Variants in NKAIN2 observed in about 807,000 individuals in gnomAD.
NKAIN2 encodes the protein sodium/potassium transporting ATPase interacting 2, also known as sodium/potassium-transporting ATPase subunit beta-1-interacting protein 2.
NKAIN2 carries 14 observed loss-of-function variants against 32.6 expected under a neutral mutation model. The ratio of observed to expected loss-of-function variants is 0.43; its 90% CI spans 0.28 to 0.67. The LOEUF (loss-of-function observed/expected upper bound fraction) is 0.67, where lower values mean the gene tolerates loss of function less well. NKAIN2 is among the 30% of genes least tolerant of loss of function. The probability of loss-of-function intolerance (pLI) is 0.17; values close to 1 mark genes in which losing one functional copy is unlikely to be tolerated. For synonymous variants in NKAIN2, 80 were observed against 87.2 expected, an observed-to-expected ratio of 0.92 and a Z score of 0.46; for missense variants, 198 against 258.3, an observed-to-expected ratio of 0.77 and a Z score of 1.60.
chr6:124,809,051 T>C (rs1780746042), intron 5 of NKAIN2, among the ~76,000 whole-genome samples: 1 of 152,158 alleles, frequency 6.6e-6, no homozygotes, highest in East Asian at 1.9e-4. Flanking sequence ...AAAATGGCCA[T>C]ACTGCCCAAG....
chr6:124,001,806 T>TAC (rs1779887443), intron 1 of NKAIN2, among the ~76,000 whole-genome samples: 1 of 61,770 alleles, frequency 1.6e-5, no homozygotes, highest in Non-Finnish European at 3.5e-5. Flanking sequence ...TCTAAATATA[T>TAC]ATATATATAT....
intron 1 of NKAIN2, among the ~76,000 whole-genome samples, chr6:123,846,844 G>GCAAA (rs1554213836): frequency 6.6e-6 from 1 of 150,624 alleles, no homozygotes; most frequent in Non-Finnish European, 1.5e-5. Context: ...ACGCACGCGC[G>GCAAA]CACACACACA....
intron 5 of NKAIN2, 96 bp downstream of exon 5, chr6:124,791,495 A>G (rs973492321): frequency 4.1e-6 from 3 of 734,932 alleles, no homozygotes; most frequent in Admixed American, 2.0e-5. Flanking sequence ...AAGATCCTAC[A>G]ACACAGCATT....
intron 4 of NKAIN2, among the ~76,000 whole-genome samples, chr6:124,706,682 C>T (rs1775087058): frequency 1.3e-5 from 2 of 152,100 alleles, no homozygotes; most frequent in Non-Finnish European, 2.9e-5. Flanking sequence ...CAAAGAGCAG[C>T]AAGTCACTTA....
chr6:124,355,641 T>C (rs1440134711), intron 3 of NKAIN2, among the ~76,000 whole-genome samples: 4 of 152,142 alleles, frequency 2.6e-5, no homozygotes, highest in African/African-American at 9.7e-5. Context: ...GTGAATTTTT[T>C]TCAGAGAAAA....
At chr6:124,634,548 C>T (rs961606426) in intron 3 of NKAIN2, among the ~76,000 whole-genome samples, 1 of 151,788 alleles carries the variant, frequency 6.6e-6, no homozygotes, top group African/African-American at 2.4e-5. Flanking sequence ...AAGCCAGTCA[C>T]ACACACAAAA....
intron 1 of NKAIN2, among the ~76,000 whole-genome samples, chr6:123,880,191 A>G (rs1773383512): frequency 6.6e-6 from 1 of 152,202 alleles, no homozygotes; most frequent in Non-Finnish European, 1.5e-5. Flanking sequence ...CTATTAAAGG[A>G]TAAAGCAGGA....
At chr6:124,072,180 A>C (rs1439740131) in intron 1 of NKAIN2, among the ~76,000 whole-genome samples, 1 of 152,176 alleles carries the variant, frequency 6.6e-6, no homozygotes. Context: ...TTGCAGCCAC[A>C]TGGATGTAGC....
At chr6:124,409,435 G>A (rs541962771) in intron 3 of NKAIN2, among the ~76,000 whole-genome samples, 1 of 152,170 alleles carries the variant, frequency 6.6e-6, no homozygotes, top group African/African-American at 2.4e-5. Context: ...GGCCTTTTCT[G>A]CATCTATTGA....
At chr6:124,620,558 A>G (rs2114255034) in intron 3 of NKAIN2, among the ~76,000 whole-genome samples, 1 of 152,290 alleles carries the variant, frequency 6.6e-6, no homozygotes, top group East Asian at 1.9e-4. Context: ...TTGTTATATG[A>G]TTGTAGAGTA....
chr6:124,208,019 T>C (rs1044418965), intron 1 of NKAIN2, among the ~76,000 whole-genome samples: 1 of 151,934 alleles, frequency 6.6e-6, no homozygotes, highest in Non-Finnish European at 1.5e-5. Flanking sequence ...ACTTTAATTA[T>C]TGTTAAAATA....
chr6:124,805,405 A>G (rs2114842815), intron 5 of NKAIN2, among the ~76,000 whole-genome samples: 1 of 152,242 alleles, frequency 6.6e-6, no homozygotes. Flanking sequence ...CCTCTAGCAA[A>G]CTCCAACAGA....
At chr6:124,735,077 GA>G (rs1209819325) in intron 4 of NKAIN2, among the ~76,000 whole-genome samples, 3 of 151,706 alleles carry the variant, frequency 2.0e-5, no homozygotes, top group Admixed American at 6.6e-5. Context: ...AAAAATATGA[GA>G]AAAAAATTTA....
intron 1 of NKAIN2, among the ~76,000 whole-genome samples, chr6:123,911,931 T>G (rs930938622): frequency 6.6e-6 from 1 of 150,676 alleles, no homozygotes; most frequent in Non-Finnish European, 1.5e-5. Context: ...ACAGGTATTT[T>G]TCACTGAATT....
At chr6:124,555,124 A>G (rs566928819) in intron 3 of NKAIN2, among the ~76,000 whole-genome samples, 1 of 152,234 alleles carries the variant, frequency 6.6e-6, no homozygotes, top group East Asian at 1.9e-4. Context: ...CAGAATCTCA[A>G]CTTCTTTCTA....
At chr6:123,816,136 A>G (rs1384260527) in intron 1 of NKAIN2, among the ~76,000 whole-genome samples, 2 of 152,124 alleles carry the variant, frequency 1.3e-5, no homozygotes, top group African/African-American at 2.4e-5. Context: ...TAGAAAGGTG[A>G]GAATGAAAGA....
At chr6:124,015,446 T>C (rs1246482557) in intron 1 of NKAIN2, among the ~76,000 whole-genome samples, 1 of 152,202 alleles carries the variant, frequency 6.6e-6, no homozygotes, top group Non-Finnish European at 1.5e-5. Flanking sequence ...CTTCATTCTC[T>C]TAAGTCTTTA....
chr6:124,413,184 C>G (rs191745755), intron 3 of NKAIN2, among the ~76,000 whole-genome samples: 108 of 152,288 alleles, frequency 7.1e-4, no homozygotes, highest in African/African-American at 2.4e-3. Flanking sequence ...CCATGTCCTG[C>G]AGCCACTGTC....
At chr6:124,547,498 T>A in intron 3 of NKAIN2, among the ~76,000 whole-genome samples, 1 of 152,308 alleles carries the variant, frequency 6.6e-6, no homozygotes, top group South Asian at 2.1e-4. Flanking sequence ...CAGAAATTAC[T>A]TTAAAGTCTA....
Sources: allele counts gnomAD v4.1 joint callset (sites outside exome capture counted in the v4.1 genomes callset), GRCh38; gene constraint gnomAD v4.1.1; transcripts MANE v1.5; gene names NCBI Gene and HGNC (gene_info 2026-07-23, HGNC 2026-07-21).